KIF1A: variants seen among roughly 807,000 people sequenced by gnomAD.
The protein encoded by KIF1A is kinesin-like protein KIF1A.
KIF1A carries 46 observed loss-of-function variants against 227.3 expected under a neutral mutation model. The observed-to-expected ratio is 0.20, with a 90% CI of 0.16 to 0.26. The LOEUF is 0.26. KIF1A is among the 10% of genes least tolerant of loss of function. The pLI is 1.00. For missense variants in KIF1A, 1,683 were observed against 2,485.9 expected, an observed-to-expected ratio of 0.68 and a Z score of 6.87; for synonymous variants, 1,022 against 1,012.8, an observed-to-expected ratio of 1.01 and a Z score of -0.17.
At chr2:240,781,904 G>C (rs939195218) in intron 10 of KIF1A, 6 of 985,216 alleles carry the variant, frequency 6.1e-6, no homozygotes, top group Non-Finnish European at 7.2e-6. Flanking sequence ...CTCCTCACAC[G>C]GGCCGCACAG....
At chr2:240,799,295 C>G (rs563123742) in intron 1 of KIF1A, among the ~76,000 whole-genome samples, 25 of 152,362 alleles carry the variant, frequency 1.6e-4, no homozygotes, top group African/African-American at 5.3e-4. Flanking sequence ...CCAGGGCAGA[C>G]GCTGAACTCC....
At chr2:240,809,062 C>T (rs1052518319) in intron 1 of KIF1A, among the ~76,000 whole-genome samples, 4 of 152,188 alleles carry the variant, frequency 2.6e-5, no homozygotes, top group Non-Finnish European at 5.9e-5. Context: ...AATTGTAGAA[C>T]TTTACTAAAA....
intron 5 of KIF1A, 85 bp from the exon 6 acceptor site, chr2:240,786,598 G>T: frequency 1.5e-6 from 2 of 1,337,458 alleles, no homozygotes; most frequent in Non-Finnish European, 1.1e-6. Flanking sequence ...GAGGGGGTAG[G>T]GGTCAACATA....
chr2:240,814,662 C>T (rs1575681038), intron 1 of KIF1A, among the ~76,000 whole-genome samples: 1 of 152,206 alleles, frequency 6.6e-6, no homozygotes, highest in Non-Finnish European at 1.5e-5. Context: ...CGCGGTGGCT[C>T]ATACCTAAAA....
At chr2:240,745,153 A>G (rs1052975071) in intron 32 of KIF1A, among the ~76,000 whole-genome samples, 1 of 151,854 alleles carries the variant, frequency 6.6e-6, no homozygotes, top group African/African-American at 2.4e-5. Context: ...CCCAGGCCCC[A>G]CTGCACCTGC....
intron 29 of KIF1A, 63 bp from the exon 30 acceptor site, chr2:240,746,240 C>A: frequency 1.3e-6 from 2 of 1,529,690 alleles, no homozygotes; most frequent in Non-Finnish European, 1.8e-6. Context: ...GCACCGTAGA[C>A]CCTGCCACAG....
intron 45 of KIF1A, 58 bp downstream of exon 45, chr2:240,720,856 A>T (rs1051163845): frequency 2.0e-6 from 3 of 1,490,136 alleles, no homozygotes; most frequent in Non-Finnish European, 2.7e-6. Context: ...AGTCACGGCC[A>T]TGGTCATGGG....
At chr2:240,781,878 T>C (rs2054073403) in intron 10 of KIF1A, 3 of 985,216 alleles carry the variant, frequency 3.0e-6, no homozygotes, top group African/African-American at 3.5e-5. Flanking sequence ...CCCCACGTGT[T>C]CTTAGTCTCT....
At chr2:240,816,182 A>G (rs1182966894) in intron 1 of KIF1A, among the ~76,000 whole-genome samples, 1 of 149,686 alleles carries the variant, frequency 6.7e-6, no homozygotes, top group African/African-American at 2.5e-5. Context: ...ATCTGCATGC[A>G]TGCATGTGTG....
At position 240,726,926 on chromosome 2, in the gene KIF1A, A is replaced by G. The variant is rs1553626083; in HGVS notation, c.4022T>C (p.Phe1341Ser). The G allele has an allele frequency of 6.2e-7, 1 of 1,605,926 alleles. No individual in the cohort carries two copies. Among genetic ancestry groups the G allele is most frequent in the Non-Finnish European group, 8.5e-7 (1 of 1,174,904 alleles). ...PAQDDRTFYQ[F>S]EAAWDSSMHN... ...CATGGAGCTGTCCCACGCAGCCTCA[A>G]ATTGGTAAAAGGTCCTGAAAGGAAG... The change falls in exon 39 of 49, where the codon TTT (phenylalanine) becomes TCT (serine). Residue 1341 changes from phenylalanine to serine, a missense_variant. Phe to Ser is a radical substitution (Grantham distance 155). This residue lies in a region of KIF1A where 759 missense variants were observed against 1,020.2 expected (regional missense o/e 0.74). Coordinates refer to ENST00000498729, the MANE Select transcript of KIF1A (RefSeq NM_001244008.2). This position sits in a 1 kb window ranked among gnomAD's most constrained non-coding sequence, Gnocchi z 5.2.
chr2:240,771,618 G>A (rs557041724), intron 14 of KIF1A, among the ~76,000 whole-genome samples: 8 of 152,242 alleles, frequency 5.3e-5, no homozygotes, highest in Admixed American at 2.6e-4. Context: ...ACCCAGCAGC[G>A]CCCCGTGCAG....
chr2:240,783,626 G>A, intron 8 of KIF1A, 113 bp downstream of exon 8: 2 of 770,838 alleles, frequency 2.6e-6, no homozygotes, highest in Non-Finnish European at 4.2e-6. Context: ...CCCTATGCAG[G>A]CTCACCCTCA....
At chr2:240,756,174 A>G (rs951673164) in intron 27 of KIF1A, among the ~76,000 whole-genome samples, 1 of 152,062 alleles carries the variant, frequency 6.6e-6, no homozygotes, top group Admixed American at 6.6e-5. Context: ...ATCTGGGGCC[A>G]CCCTTAGCCT....
Position 240,787,995 on chromosome 2 carries a change from T to C in KIF1A, c.363+56A>G, listed in dbSNP as rs921760605. On this transcript the variant is annotated intron_variant, in intron 4 of 48. Transcript: ENST00000498729. Reference sequence around the variant, plus strand: ...GGTGCCTGGCCCGGAGCTCTCAGCCTCAGCTGGTCCCGCCCCATCTGCCAG... The same window carrying C: ...GGTGCCTGGCCCGGAGCTCTCAGCCCCAGCTGGTCCCGCCCCATCTGCCAG... The C allele has an allele frequency of 6.7e-6, 10 of 1,500,850 alleles. No individual in the cohort carries two copies. In the African/African-American group the frequency reaches 1.3e-4, roughly 19 times the overall value. 93.0% of individuals were successfully genotyped at this position (1,500,850 alleles called of 1,614,324 possible).
At position 240,736,943 on chromosome 2, in the gene KIF1A, A is replaced by C; in HGVS notation, c.4007+120T>G. The stretch of plus-strand genomic sequence containing the variant: ...ACAGCTCCTGCAGGTGCCAGGAGGG[A>C]GGGCCGGGAGAGCGTTGAGCGGGTC... On this transcript the variant is annotated intron_variant, in intron 38 of 48. Coordinates refer to ENST00000498729, the MANE Select transcript of KIF1A (RefSeq NM_001244008.2). This position sits in a 1 kb window ranked among gnomAD's most constrained non-coding sequence, Gnocchi z 4.7. 1 of 790,998 alleles carries C rather than the reference A, an allele frequency of 1.3e-6. No individual in the cohort carries two copies. Among genetic ancestry groups the C allele is most frequent in the Non-Finnish European group, 2.2e-6 (1 of 462,066 alleles). The allele number at this position is 790,998 out of a possible 1,614,324, so 49.0% of individuals were successfully genotyped here. A position where few individuals can be genotyped will look rare whatever the true frequency, so the allele number is the denominator to read the frequency against.
In KIF1A at chr2:240,743,923, C is replaced by T. The variant is rs747274108; in HGVS notation, c.3584+19G>A. Reference sequence around the variant, plus strand: ...CTTTGAGGACAGCAGCCCCGAACCCCCCGACCCAGGGCGCTAACCTGAGCA... The same window carrying T: ...CTTTGAGGACAGCAGCCCCGAACCCTCCGACCCAGGGCGCTAACCTGAGCA... On this transcript the variant is annotated intron_variant, in intron 33 of 48. Transcript: ENST00000498729. 3.8e-6 allele frequency: 6 copies of T among 1,561,438 alleles called. No homozygotes were observed. Among genetic ancestry groups the T allele is most frequent in the African/African-American group, 1.4e-5 (1 of 73,852 alleles).
At chr2:240,818,066 G>C (rs1049214618) in intron 1 of KIF1A, among the ~76,000 whole-genome samples, 1 of 152,172 alleles carries the variant, frequency 6.6e-6, no homozygotes, top group African/African-American at 2.4e-5. Context: ...GGCACCCAGG[G>C]GGGCAGCACC....
At position 240,720,865 on chromosome 2, in the gene KIF1A, G is replaced by A. The variant is rs763665189; in HGVS notation, c.4868+49C>T. The A allele has an allele frequency of 2.4e-5, 36 of 1,506,066 alleles. No individual in the cohort carries two copies. The East Asian group carries it at 8.9e-4, about 37-fold the overall frequency. The allele number at this position is 1,506,066 out of a possible 1,614,324, so 93.3% of individuals were successfully genotyped here. A position where few individuals can be genotyped will look rare whatever the true frequency, so the allele number is the denominator to read the frequency against. On this transcript the variant is annotated intron_variant, in intron 45 of 48. Coordinates refer to ENST00000498729, the MANE Select transcript of KIF1A (RefSeq NM_001244008.2). Reference sequence around the variant, plus strand: ...TGCCCGAGTCACGGCCATGGTCATGGGTCAGCCGTGGTGCCAGAAGCCACT... The same window carrying A: ...TGCCCGAGTCACGGCCATGGTCATGAGTCAGCCGTGGTGCCAGAAGCCACT...
rs1331325397 is a variant in KIF1A, at chr2:240,774,393, C to A, written c.959-132G>T. The A allele has an allele frequency of 6.9e-5, 15 of 218,306 alleles. No individual in the cohort carries two copies. In the African/African-American group the frequency reaches 1.0e-3, roughly 15 times the overall value. 13.5% of individuals were successfully genotyped at this position (218,306 alleles called of 1,614,324 possible). ...GAGGTAAACTGAGTCACAGGCTTAC[C>A]CCCCCCCCCACCCCCACCCCATGAA... is the stretch of plus-strand genomic sequence containing the variant. On this transcript the variant is annotated intron_variant, in intron 11 of 48. Coordinates refer to ENST00000498729, the MANE Select transcript of KIF1A (RefSeq NM_001244008.2).
Sources: gnomAD v4.1 joint callset for allele counts (sites outside exome capture counted in the v4.1 genomes callset) on GRCh38, gnomAD v4.1.1 for gene constraint, gnomAD v4.1.1 regional missense constraint, Gnocchi (gnomAD v3.1) non-coding constraint, MANE v1.5 for transcripts, NCBI Gene and HGNC (gene_info 2026-07-23, HGNC 2026-07-21) for gene names.